Variants in CYB561 observed in about 807,000 individuals in gnomAD.
The protein encoded by CYB561 is cytochrome b561.
In CYB561, 11 loss-of-function variants were observed where a neutral mutation model predicts 25.3. The ratio of observed to expected loss-of-function variants is 0.44; its 90% confidence interval spans 0.27 to 0.72. The LOEUF is 0.72. Among genes scored for constraint, CYB561 ranks in the 30% least tolerant of loss-of-function variants. CYB561 has a pLI of 0.18. For synonymous variants in CYB561, 165 were observed against 158.8 expected, an observed-to-expected ratio of 1.04 and a Z score of -0.29; for missense variants, 295 against 334.9, an observed-to-expected ratio of 0.88 and a Z score of 0.93.
intron 1 of CYB561, chr17:63,438,130 C>T (rs770458504): frequency 3.3e-6 from 5 of 1,535,042 alleles, no homozygotes; most frequent in East Asian, 2.5e-5. Flanking sequence ...ACCTGGGACA[C>T]GACGCCAGGA....
At chr17:63,438,348 G>T in intron 1 of CYB561, 1 of 723,534 alleles carries the variant, frequency 1.4e-6, no homozygotes, top group Non-Finnish European at 2.2e-6. Context: ...AGTACATCTC[G>T]GGAGAAATGG....
rs557080249 is a variant in CYB561, at chr17:63,435,675, T to G, written c.405+13A>C. On this transcript the variant is annotated intron_variant, in intron 4 of 5. Coordinates refer to ENST00000360793, the MANE Select transcript of CYB561 (RefSeq NM_001915.4). ...GTAGGTGGCCCCAGGCCCGGGGTGTTGGAAGGACTCACCTGCACAAAGTAC... is the reference window on the plus strand; with the variant it reads ...GTAGGTGGCCCCAGGCCCGGGGTGTGGGAAGGACTCACCTGCACAAAGTAC... The G allele has an allele frequency of 6.2e-6, 10 of 1,611,902 alleles. No individual in the cohort carries two copies. The South Asian group carries it at 1.1e-4, about 18-fold the overall frequency.
intron 5 of CYB561, 140 bp from the exon 6 acceptor site, chr17:63,434,734 A>C: frequency 5.7e-6 from 4 of 705,320 alleles, no homozygotes; most frequent in Non-Finnish European, 9.1e-6. Flanking sequence ...GAGAACAACC[A>C]TCCCCCCGCC....
At chr17:63,441,854 C>A (rs537354661) in intron 1 of CYB561, among the ~76,000 whole-genome samples, 1 of 152,346 alleles carries the variant, frequency 6.6e-6, no homozygotes, top group Admixed American at 6.5e-5. Context: ...AGTCCTCCTG[C>A]GTCCTCCCCG....
rs1387017308 is a variant in CYB561 at position 63,436,182 on chromosome 17, G to A, written c.203-30C>T. The A allele has an allele frequency of 1.2e-6, 2 of 1,607,590 alleles. No individual in the cohort carries two copies. The highest frequency in any genetic ancestry group is 8.5e-7 in the Non-Finnish European group (1 of 1,175,086). On this transcript the variant is annotated intron_variant, in intron 2 of 5. Transcript: ENST00000360793. This position sits in a 1 kb window ranked among gnomAD's most constrained non-coding sequence, Gnocchi z 4.8. Reference sequence around the variant, plus strand: ...GGGAGGTGAGAGAGGGAACGTGAGTGCATCCGCCTGTGCGTGAGGCCTCCT... The same window carrying A: ...GGGAGGTGAGAGAGGGAACGTGAGTACATCCGCCTGTGCGTGAGGCCTCCT...
At chr17:63,444,410 CAGA>C (rs1285105105) in intron 1 of CYB561, among the ~76,000 whole-genome samples, 2 of 152,228 alleles carry the variant, frequency 1.3e-5, no homozygotes, top group Admixed American at 6.5e-5. Flanking sequence ...TTATTGAACA[CAGA>C]AGGAGTAAGT....
rs779396981 is a variant in CYB561 at position 63,437,383 on chromosome 17, G to A, written c.165C>T (p.Leu55=). The A allele has an allele frequency of 3.1e-6, 5 of 1,614,004 alleles. No individual in the cohort carries two copies. The highest frequency in any genetic ancestry group is 1.7e-5 in the Admixed American group (1 of 60,008). Residue 55 remains leucine (L), a synonymous_variant, in exon 2 of 6, where the codon CTC becomes CTT. Transcript: ENST00000360793. ...GGAAGATCAGGCCTATGACCATGCA[G>A]AGGGGGTGCGCGTTGAACTGCAGGT... The part of the protein sequence containing the change: ...ESDLQFNAHP[L]CMVIGLIFLQ...
intron 1 of CYB561, among the ~76,000 whole-genome samples, chr17:63,444,144 G>A (rs544955928): frequency 1.8e-4 from 27 of 152,252 alleles, no homozygotes; most frequent in South Asian, 1.7e-3. Flanking sequence ...CACGATGCCT[G>A]GCTAATTTTT....
intron 2 of CYB561, chr17:63,437,054 C>G (rs1435705562): frequency 6.2e-6 from 3 of 486,474 alleles, no homozygotes; most frequent in Non-Finnish European, 1.1e-5. Context: ...CAGGGCCTGG[C>G]TCGGAGCCTC....
intron 1 of CYB561, chr17:63,445,891 AC>A (rs2049418654): frequency 6.6e-6 from 1 of 152,240 alleles, no homozygotes; most frequent in Non-Finnish European, 1.5e-5. Context: ...GTCCATTTGC[AC>A]CCTACCTTGC....
chr17:63,443,449 C>T (rs1388479241), intron 1 of CYB561, among the ~76,000 whole-genome samples: 1 of 152,192 alleles, frequency 6.6e-6, no homozygotes, highest in East Asian at 1.9e-4. Flanking sequence ...TACCAAGGAA[C>T]TAGGTACCCA....
rs1368326614 is a variant in CYB561 at position 63,436,659 on chromosome 17, G to A, written c.203-507C>T. 1.2e-5 allele frequency: 2 copies of A among 164,388 alleles called. No individual in the cohort carries two copies. Among genetic ancestry groups the A allele is most frequent in the African/African-American group, 2.4e-5 (1 of 41,608 alleles). The allele number at this position is 164,388 out of a possible 1,614,324, so 10.2% of individuals were successfully genotyped here. On this transcript the variant is annotated intron_variant, in intron 2 of 5. Coordinates refer to ENST00000360793, the MANE Select transcript of CYB561 (RefSeq NM_001915.4). This position sits in a 1 kb window ranked among gnomAD's most constrained non-coding sequence, Gnocchi z 4.8. ...GCTCCTCACACAGGCCCCCACCTAAGCCTGGGCAGATGGTCCTACTCCTAG... is the reference window on the plus strand; with the variant it reads ...GCTCCTCACACAGGCCCCCACCTAAACCTGGGCAGATGGTCCTACTCCTAG...
intron 1 of CYB561, among the ~76,000 whole-genome samples, chr17:63,444,903 C>T (rs912611930): frequency 2.6e-5 from 4 of 152,172 alleles, no homozygotes; most frequent in Non-Finnish European, 2.9e-5. Context: ...AGGCTGGGCA[C>T]GGTGGCTCAC....
chr17:63,438,329 G>A (rs2049337249), intron 1 of CYB561: 3 of 846,842 alleles, frequency 3.5e-6, no homozygotes, highest in Non-Finnish European at 5.5e-6. Context: ...TTCTCCAGAC[G>A]CGTCATGAAG....
chr17:63,434,980 CGCCACGA>C, intron 5 of CYB561, 99 bp downstream of exon 5: 1 of 1,238,902 alleles, frequency 8.1e-7, no homozygotes, highest in Non-Finnish European at 1.1e-6. Context: ...CCAGTTGTGA[CGCCACGA>C]GAGGCGGCTC....
upstream of CYB561, chr17:63,446,449 G>T (rs1395104536): frequency 6.6e-6 from 1 of 151,920 alleles, no homozygotes; most frequent in Non-Finnish European, 1.5e-5. Flanking sequence ...TCGGGACCGG[G>T]CCCTGCCAGC....
At chr17:63,435,483 G>A (rs1167502655) in intron 4 of CYB561, 4 of 682,940 alleles carry the variant, frequency 5.9e-6, no homozygotes, top group African/African-American at 1.8e-5. Flanking sequence ...CAAAAGTGCT[G>A]AGTCAGCCAT....
rs11655983 is a variant in CYB561 at position 63,437,783 on chromosome 17, C to T, written c.-13-223G>A. 2,772 of 456,358 alleles carry T rather than the reference C, an allele frequency of 6.1e-3. 18 individuals carry two copies. Among genetic ancestry groups the T allele is most frequent in the Non-Finnish European group, 8.4e-3 (2,136 of 255,586 alleles). The allele number at this position is 456,358 out of a possible 1,614,324, so 28.3% of individuals were successfully genotyped here. ...GCCCCTGCTAGATGCGCGCAACACC[C>T]CCCCCGGGTTGCGCACAGCCCCCTC... On this transcript the variant is annotated intron_variant, in intron 1 of 5. Coordinates refer to ENST00000360793, the MANE Select transcript of CYB561 (RefSeq NM_001915.4).
chr17:63,434,508 T>C lies in CYB561; in HGVS notation c.650A>G (p.Tyr217Cys), dbSNP rs754965035. ...LLACFGGAVL[Y>C]ILTRADWKRP... is the part of the protein sequence containing the mutation. Reference sequence around the variant, plus strand: ...CTTCCAGTCGGCCCGGGTCAAGATGTAGAGCACCGCCCCACCGAAGCAGGC... The same window carrying C: ...CTTCCAGTCGGCCCGGGTCAAGATGCAGAGCACCGCCCCACCGAAGCAGGC... The change falls in exon 6 of 6, where the codon TAC (tyrosine) becomes TGC (cysteine). Residue 217 changes from tyrosine (Y) to cysteine (C), a missense_variant. By Grantham distance (194) the Tyr-to-Cys change is radical. Transcript: ENST00000360793. 7.4e-6 allele frequency: 12 copies of C among 1,613,530 alleles called. No individual in the cohort carries two copies. The highest frequency in any genetic ancestry group is 1.7e-4 in the Middle Eastern group (1 of 6,058).
Sources: gnomAD v4.1 joint callset for allele counts (sites outside exome capture counted in the v4.1 genomes callset) on GRCh38, gnomAD v4.1.1 for gene constraint, Gnocchi (gnomAD v3.1) non-coding constraint, MANE v1.5 for transcripts, NCBI Gene and HGNC (gene_info 2026-07-23, HGNC 2026-07-21) for gene names.